Variants in BCKDHB observed in about 807,000 individuals in gnomAD.
BCKDHB encodes branched chain keto acid dehydrogenase E1 subunit beta.
Under a neutral mutation model 48.5 loss-of-function variants are expected in BCKDHB, and 41 were observed. That is an observed-to-expected ratio of 0.85 (90% CI 0.66 to 1.10). The LOEUF is 1.10. Ranked by LOEUF, BCKDHB falls within the 50% of genes least tolerant of loss-of-function variation. The probability of loss-of-function intolerance (pLI) is 0.00; values close to 1 mark genes in which losing one functional copy is unlikely to be tolerated. For synonymous variants in BCKDHB, 201 were observed against 174.8 expected, an observed-to-expected ratio of 1.15 and a Z score of -1.18; for missense variants, 496 against 494.2, an observed-to-expected ratio of 1.00 and a Z score of -0.03.
At chr6:80,259,546 T>C (rs1434026596) in intron 8 of BCKDHB, among the ~76,000 whole-genome samples, 4 of 152,206 alleles carry the variant, frequency 2.6e-5, no homozygotes, top group Non-Finnish European at 5.9e-5. Context: ...CACACATATT[T>C]ATAGGTCATA....
At chr6:80,223,749 C>T (rs1775561841) in intron 8 of BCKDHB, among the ~76,000 whole-genome samples, 3 of 151,974 alleles carry the variant, frequency 2.0e-5, no homozygotes, top group Admixed American at 2.0e-4. Context: ...ACTGCAAATC[C>T]CTGTGCTGGG....
chr6:80,284,112 G>A (rs934662616), intron 9 of BCKDHB, among the ~76,000 whole-genome samples: 1 of 151,982 alleles, frequency 6.6e-6, no homozygotes, highest in Non-Finnish European at 1.5e-5. Context: ...GGTAATTTAG[G>A]GTAATTAAAC....
chr6:80,125,560 G>A (rs942662172), intron 1 of BCKDHB, among the ~76,000 whole-genome samples: 2 of 152,062 alleles, frequency 1.3e-5, no homozygotes, highest in Admixed American at 6.6e-5. Flanking sequence ...TCTAACTTAC[G>A]ATTTAAAGTG....
the BCKDHB span, among the ~76,000 whole-genome samples, chr6:80,462,047 T>TA: frequency 6.6e-6 from 1 of 151,948 alleles, no homozygotes; most frequent in South Asian, 2.1e-4. Flanking sequence ...TTCCTATCCA[T>TA]AAAAAATAAA....
intron 9 of BCKDHB, among the ~76,000 whole-genome samples, chr6:80,297,726 A>G (rs1562212130): frequency 2.0e-5 from 3 of 152,338 alleles, no homozygotes. Flanking sequence ...GTAGGTGGCC[A>G]AGACCATGTT....
chr6:80,121,218 C>A (rs1273904707), intron 1 of BCKDHB, among the ~76,000 whole-genome samples: 1 of 152,114 alleles, frequency 6.6e-6, no homozygotes, highest in African/African-American at 2.4e-5. Context: ...TTCCATTGAT[C>A]TATATCTCTG....
rs778565595 is a variant in BCKDHB at position 80,200,916 on chromosome 6, T to C, written c.743-18T>C. On this transcript the variant is annotated intron_variant, in intron 6 of 9. Transcript: ENST00000320393. ...TCAGAAAAAATGTCCTTTTTTTTTTTTCCTGTTCTGTATTTAGCGGAAGAA... is the reference window on the plus strand; with the variant it reads ...TCAGAAAAAATGTCCTTTTTTTTTTCTCCTGTTCTGTATTTAGCGGAAGAA... The C allele has an allele frequency of 4.4e-6, 7 of 1,574,612 alleles. No individual in the cohort carries two copies. Among genetic ancestry groups the C allele is most frequent in the Middle Eastern group, 1.7e-4 (1 of 5,856 alleles).
At chr6:80,349,068 A>C (rs909448272), downstream of BCKDHB, among the ~76,000 whole-genome samples, 4 of 152,228 alleles carry the variant, frequency 2.6e-5, no homozygotes, top group Non-Finnish European at 5.9e-5. Flanking sequence ...CCATATTGCA[A>C]AAATAAGAAA....
intron 1 of BCKDHB, among the ~76,000 whole-genome samples, chr6:80,120,732 G>GT (rs1389135569): frequency 6.6e-6 from 1 of 152,096 alleles, no homozygotes; most frequent in Non-Finnish European, 1.5e-5. Context: ...TTGTAAATTT[G>GT]TTTGAGTTCT....
intron 9 of BCKDHB, among the ~76,000 whole-genome samples, chr6:80,281,466 ATGTAGCAACTGGAAGACACTGGTGAC>A (rs1778191805): frequency 6.6e-6 from 1 of 152,216 alleles, no homozygotes; most frequent in African/African-American, 2.4e-5. Context: ...CCTACCTTGC[ATGTAGCAACTGGAAGACACTGGTGAC>A]TGATGAAAAC....
At chr6:80,388,333 T>C in the BCKDHB span, among the ~76,000 whole-genome samples, 1 of 152,158 alleles carries the variant, frequency 6.6e-6, no homozygotes, top group Non-Finnish European at 1.5e-5. Flanking sequence ...CAGGCCTCCA[T>C]AGGTCACAGA....
At chr6:80,106,626 C>T, upstream of BCKDHB, 1 of 1,510,658 alleles carries the variant, frequency 6.6e-7, no homozygotes, top group Non-Finnish European at 8.9e-7. Context: ...GAAGCCTCCT[C>T]GGGTGCTCCG....
the BCKDHB span, among the ~76,000 whole-genome samples, chr6:80,409,069 T>A: frequency 1.3e-5 from 2 of 152,134 alleles, no homozygotes; most frequent in Admixed American, 1.3e-4. Flanking sequence ...CCTGGTATGT[T>A]GTGCCTTTCT....
intron 8 of BCKDHB, among the ~76,000 whole-genome samples, chr6:80,237,107 A>G (rs1323178454): frequency 6.6e-6 from 1 of 152,214 alleles, no homozygotes; most frequent in South Asian, 2.1e-4. Context: ...GAAGGTAGAA[A>G]TTGAGAGAGT....
chr6:80,206,877 C>T (rs939715038), intron 8 of BCKDHB, among the ~76,000 whole-genome samples: 7 of 151,948 alleles, frequency 4.6e-5, no homozygotes, highest in Non-Finnish European at 1.0e-4. Context: ...CATCATTACA[C>T]AAGCTTTGTT....
chr6:80,269,210 C>T (rs893919887), intron 8 of BCKDHB, among the ~76,000 whole-genome samples: 9 of 151,962 alleles, frequency 5.9e-5, no homozygotes, highest in Non-Finnish European at 1.3e-4. Flanking sequence ...AGTGGCCAAA[C>T]AAGAAACAAG....
intron 8 of BCKDHB, among the ~76,000 whole-genome samples, chr6:80,249,366 ATTTAGGAAGCAG>A (rs1776744782): frequency 6.6e-6 from 1 of 150,960 alleles, no homozygotes; most frequent in African/African-American, 2.5e-5. Context: ...CCTGACTGAT[ATTTAGGAAGCAG>A]TTTACTCCTC....
intron 9 of BCKDHB, among the ~76,000 whole-genome samples, chr6:80,289,149 G>A (rs1264859043): frequency 1.3e-5 from 2 of 152,146 alleles, no homozygotes; most frequent in Admixed American, 1.3e-4. Context: ...TGAGGAAAGA[G>A]TAGTTCTTCT....
At chr6:80,204,092 G>A (rs1260143001) in intron 8 of BCKDHB, among the ~76,000 whole-genome samples, 1 of 151,984 alleles carries the variant, frequency 6.6e-6, no homozygotes, top group Non-Finnish European at 1.5e-5. Context: ...TTGATATACT[G>A]CTATAGTATA....
Sources: allele counts gnomAD v4.1 joint callset (sites outside exome capture counted in the v4.1 genomes callset), GRCh38; gene constraint gnomAD v4.1.1; transcripts MANE v1.5; gene names NCBI Gene and HGNC (gene_info 2026-07-23, HGNC 2026-07-21).